RAP1GAP2: variants seen among roughly 807,000 people sequenced by gnomAD.
RAP1GAP2 encodes the protein RAP1 GTPase activating protein 2, also known as rap1 GTPase-activating protein 2.
In RAP1GAP2, 27 loss-of-function variants were observed where a neutral mutation model predicts 95.0. That is an observed-to-expected ratio of 0.28 (90% CI 0.21 to 0.39). RAP1GAP2 has a LOEUF of 0.39. RAP1GAP2 is among the 10% of genes least tolerant of loss of function. The pLI is 1.00. For synonymous variants in RAP1GAP2, 373 were observed against 380.9 expected (o/e 0.98, Z 0.24); for missense variants, 771 against 970.0 (o/e 0.79, Z 2.72).
At chr17:2,835,487 C>T (rs2071090394) in intron 2 of RAP1GAP2, among the ~76,000 whole-genome samples, 1 of 152,248 alleles carries the variant, frequency 6.6e-6, no homozygotes, top group Non-Finnish European at 1.5e-5. Context: ...TCCCACAGTG[C>T]TGGAATTACA....
chr17:2,996,338 C>T (rs2151580670), intron 13 of RAP1GAP2, among the ~76,000 whole-genome samples: 1 of 152,302 alleles, frequency 6.6e-6, no homozygotes, highest in Middle Eastern at 3.4e-3. Flanking sequence ...AGCCCAGTTC[C>T]CCCAGCCTGC....
At chr17:2,978,704 T>C (rs555817507) in intron 8 of RAP1GAP2, among the ~76,000 whole-genome samples, 59 of 148,522 alleles carry the variant, frequency 4.0e-4, no homozygotes, top group African/African-American at 1.4e-3. Context: ...GAGGCGGAGG[T>C]GGGTGGGTCA....
intron 2 of RAP1GAP2, among the ~76,000 whole-genome samples, chr17:2,841,381 G>A (rs1422896056): frequency 7.1e-6 from 1 of 140,592 alleles, no homozygotes; most frequent in East Asian, 2.2e-4. Flanking sequence ...TCGGCTCACT[G>A]CAACCTCCAC....
rs375815212 is a variant in RAP1GAP2, at chr17:2,999,700, G to A, written c.1200+1324G>A. Among the ~76,000 whole-genome samples the A allele has an allele frequency of 5.5e-4, 84 of 151,840 alleles. 2 individuals are homozygous for A. The highest frequency in any genetic ancestry group is 6.8e-3 in the Middle Eastern group (2 of 294). On this transcript the variant is annotated intron_variant, in intron 14 of 24. Transcript: ENST00000254695. ...GGTGGCGTACGCCTGTAATTCTAGC[G>A]CTTTGGGAGGCAGAGGCAGGAGGAT...
At chr17:2,842,465 G>A (rs952499478) in intron 2 of RAP1GAP2, among the ~76,000 whole-genome samples, 1 of 149,694 alleles carries the variant, frequency 6.7e-6, no homozygotes, top group Admixed American at 6.7e-5. Flanking sequence ...GGGAGGCAGA[G>A]GTTGCAGTGA....
chr17:2,909,662 G>C (rs561492310), intron 3 of RAP1GAP2, among the ~76,000 whole-genome samples: 3 of 152,346 alleles, frequency 2.0e-5, no homozygotes, highest in Admixed American at 2.0e-4. Context: ...CTCAGGGAAA[G>C]CTCAGCAGCT....
At chr17:3,018,791 G>A (rs1471949687) in intron 18 of RAP1GAP2, among the ~76,000 whole-genome samples, 3 of 152,178 alleles carry the variant, frequency 2.0e-5, no homozygotes, top group South Asian at 4.1e-4. Flanking sequence ...GAGGCCGGGC[G>A]TGGTGGCTCA....
intron 23 of RAP1GAP2, among the ~76,000 whole-genome samples, chr17:3,031,891 C>T (rs986512028): frequency 7.2e-6 from 1 of 139,542 alleles, no homozygotes; most frequent in Non-Finnish European, 1.5e-5. Context: ...GGGCTGGTTC[C>T]TGGGTCCCGA....
At chr17:2,956,440 G>A (rs1418188746) in intron 3 of RAP1GAP2, among the ~76,000 whole-genome samples, 2 of 152,230 alleles carry the variant, frequency 1.3e-5, no homozygotes, top group Non-Finnish European at 2.9e-5. Context: ...AATTCTGGGA[G>A]CAGTGGGAGC....
intron 4 of RAP1GAP2, chr17:2,962,163 A>G (rs1367635983): frequency 1.3e-5 from 2 of 159,474 alleles, no homozygotes; most frequent in Non-Finnish European, 2.7e-5. Flanking sequence ...TGGCCTCCCA[A>G]AGTGCTGCGA....
intron 3 of RAP1GAP2, among the ~76,000 whole-genome samples, chr17:2,938,361 C>G (rs1383179889): frequency 6.6e-6 from 1 of 152,078 alleles, no homozygotes; most frequent in Non-Finnish European, 1.5e-5. Flanking sequence ...AAATTCATTC[C>G]TTTCCTTCCA....
intron 1 of RAP1GAP2, among the ~76,000 whole-genome samples, chr17:2,769,576 A>G (rs1448662143): frequency 1.3e-5 from 2 of 151,712 alleles, no homozygotes; most frequent in African/African-American, 4.8e-5. Flanking sequence ...ATAAAATGAA[A>G]TAACATAAAT....
intron 2 of RAP1GAP2, among the ~76,000 whole-genome samples, chr17:2,834,581 G>C (rs115386473): frequency 2.9e-4 from 44 of 152,206 alleles, no homozygotes; most frequent in Admixed American, 2.6e-3. Flanking sequence ...CAGATGGCTC[G>C]AGCCCAGGAG....
intron 3 of RAP1GAP2, among the ~76,000 whole-genome samples, chr17:2,956,742 G>A (rs992316384): frequency 1.3e-5 from 2 of 152,170 alleles, no homozygotes; most frequent in African/African-American, 4.8e-5. Flanking sequence ...CTTCCATTCC[G>A]CTTCCCTTTT....
At chr17:2,757,786 G>A (rs778879210) in intron 1 of RAP1GAP2, among the ~76,000 whole-genome samples, 8 of 152,080 alleles carry the variant, frequency 5.3e-5, no homozygotes, top group African/African-American at 9.7e-5. Context: ...GTAGAGCTTG[G>A]ATGCCTGTTT....
At chr17:2,785,428 C>G (rs1455951521) in intron 1 of RAP1GAP2, among the ~76,000 whole-genome samples, 1 of 151,592 alleles carries the variant, frequency 6.6e-6, no homozygotes, top group Non-Finnish European at 1.5e-5. Flanking sequence ...AGATAAATAG[C>G]CAGACAACCT....
intron 3 of RAP1GAP2, among the ~76,000 whole-genome samples, chr17:2,947,955 C>T (rs554706386): frequency 3.9e-5 from 6 of 152,286 alleles, no homozygotes; most frequent in Admixed American, 1.3e-4. Flanking sequence ...CTGGGACCCA[C>T]GTAGGTGCAA....
upstream of RAP1GAP2, among the ~76,000 whole-genome samples, chr17:2,793,890 C>T (rs1254953348): frequency 5.9e-5 from 9 of 151,932 alleles, no homozygotes; most frequent in Non-Finnish European, 1.3e-4. Context: ...CACCGGAGGT[C>T]AGGAGTTCGA....
At chr17:2,994,648 T>C (rs950313765) in intron 12 of RAP1GAP2, among the ~76,000 whole-genome samples, 2 of 152,182 alleles carry the variant, frequency 1.3e-5, no homozygotes, top group Non-Finnish European at 2.9e-5. Context: ...GACTTGGACA[T>C]GGCCTTGCAG....
Sources: gnomAD v4.1 joint callset for allele counts (sites outside exome capture counted in the v4.1 genomes callset) on GRCh38, gnomAD v4.1.1 for gene constraint, MANE v1.5 for transcripts, NCBI Gene and HGNC (gene_info 2026-07-23, HGNC 2026-07-21) for gene names.